Variants in RAB38 observed in about 807,000 individuals in gnomAD.
RAB38 encodes RAB38, member RAS oncogene family.
Under a neutral mutation model 18.4 loss-of-function variants are expected in RAB38, and 15 were observed. The observed-to-expected ratio is 0.82, with a 90% CI of 0.55 to 1.26. The LOEUF (loss-of-function observed/expected upper bound fraction) is 1.26, where lower values mean the gene tolerates loss of function less well. Ranked by LOEUF, RAB38 falls within the 50% of genes most tolerant of loss-of-function variation. RAB38 has a pLI of 0.00. For missense variants in RAB38, 294 were observed against 267.4 expected (o/e 1.10, Z -0.69); for synonymous variants, 101 against 104.4 (o/e 0.97, Z 0.20).
At chr11:87,940,259 T>C in the RAB38 span, among the ~76,000 whole-genome samples, 1 of 151,790 alleles carries the variant, frequency 6.6e-6, no homozygotes, top group Non-Finnish European at 1.5e-5. Flanking sequence ...TTAGCCAGCA[T>C]AAATTGTGAC....
chr11:87,923,733 T>C, the RAB38 span, among the ~76,000 whole-genome samples: 1 of 152,036 alleles, frequency 6.6e-6, no homozygotes, highest in African/African-American at 2.4e-5. Context: ...TTACTAATCA[T>C]CACTACCATT....
the RAB38 span, among the ~76,000 whole-genome samples, chr11:87,950,041 C>T: frequency 6.6e-6 from 1 of 152,284 alleles, no homozygotes; most frequent in African/African-American, 2.4e-5. Flanking sequence ...CTTTGTAGGT[C>T]ACTCAGTACT....
chr11:88,122,412 G>T (rs1455376280), intron 2 of RAB38, among the ~76,000 whole-genome samples: 2 of 152,182 alleles, frequency 1.3e-5, no homozygotes. Context: ...ATTATGTTTA[G>T]CCAGACTTAA....
chr11:87,827,835 C>T, the RAB38 span, among the ~76,000 whole-genome samples: 5 of 151,996 alleles, frequency 3.3e-5, no homozygotes, highest in African/African-American at 4.8e-5. Flanking sequence ...CTGTACCTTA[C>T]GAAATAGCGA....
chr11:87,824,359 C>A, the RAB38 span, among the ~76,000 whole-genome samples: 11,169 of 152,124 alleles, frequency 0.073, 706 homozygotes, highest in East Asian at 0.36. Context: ...CCCCAAGGTG[C>A]AAATCAATTA....
At chr11:87,837,770 T>A in the RAB38 span, among the ~76,000 whole-genome samples, 1 of 152,234 alleles carries the variant, frequency 6.6e-6, no homozygotes, top group East Asian at 1.9e-4. Flanking sequence ...CCTTTGCAGC[T>A]AATTCTTGAC....
At chr11:88,003,682 A>ATATATTATATATAATATATTG in the RAB38 span, among the ~76,000 whole-genome samples, 2 of 3,604 alleles carry the variant, frequency 5.5e-4, 1 homozygote, top group African/African-American at 2.9e-3. Context: ...TATATATATT[A>ATATATTATATATAATATATTG]TATATATTAT....
the RAB38 span, among the ~76,000 whole-genome samples, chr11:88,073,181 A>G: frequency 6.6e-6 from 1 of 152,166 alleles, no homozygotes; most frequent in Non-Finnish European, 1.5e-5. Context: ...GTGCCTGGAG[A>G]GAGATATATC....
chr11:87,913,107 A>G, the RAB38 span, among the ~76,000 whole-genome samples: 4 of 152,070 alleles, frequency 2.6e-5, no homozygotes, highest in South Asian at 8.3e-4. Context: ...TTTTGGCCAG[A>G]ATACAGTCTA....
chr11:88,067,283 A>T, the RAB38 span, among the ~76,000 whole-genome samples: 1 of 151,958 alleles, frequency 6.6e-6, no homozygotes, highest in South Asian at 2.1e-4. Context: ...TTACACAACA[A>T]GTTTACGTTA....
the RAB38 span, among the ~76,000 whole-genome samples, chr11:87,950,333 C>CTT: frequency 5.9e-4 from 90 of 151,710 alleles, no homozygotes; most frequent in African/African-American, 1.8e-3. Flanking sequence ...GGTCTTTACT[C>CTT]TATCCAATTT....
At chr11:87,954,046 T>TGGA in the RAB38 span, among the ~76,000 whole-genome samples, 1 of 152,020 alleles carries the variant, frequency 6.6e-6, no homozygotes, top group Non-Finnish European at 1.5e-5. Context: ...AAGTGTGCTG[T>TGGA]GGAATGCTGT....
the RAB38 span, among the ~76,000 whole-genome samples, chr11:87,864,975 G>A: frequency 2.6e-5 from 4 of 151,692 alleles, no homozygotes; most frequent in African/African-American, 9.7e-5. Flanking sequence ...TGAGTAAACA[G>A]GACCATTCTC....
At chr11:88,035,537 C>T in the RAB38 span, among the ~76,000 whole-genome samples, 10 of 152,242 alleles carry the variant, frequency 6.6e-5, no homozygotes, top group East Asian at 1.9e-3. Flanking sequence ...GCAAGGAAGC[C>T]AGTCCGAGTC....
chr11:87,975,283 C>G, the RAB38 span, among the ~76,000 whole-genome samples: 1 of 151,968 alleles, frequency 6.6e-6, no homozygotes, highest in East Asian at 1.9e-4. Context: ...GGTTCCAGGT[C>G]ACATGAATTT....
intron 1 of RAB38, among the ~76,000 whole-genome samples, chr11:88,158,683 T>A (rs946537265): frequency 2.0e-5 from 3 of 152,104 alleles, no homozygotes; most frequent in Admixed American, 6.5e-5. Flanking sequence ...ATCACCTCAA[T>A]AGACTCAGAA....
chr11:88,009,919 C>T, the RAB38 span, among the ~76,000 whole-genome samples: 1 of 152,104 alleles, frequency 6.6e-6, no homozygotes, highest in Admixed American at 6.5e-5. Context: ...TTTACCTATA[C>T]ATAAGTGAGA....
At chr11:87,911,048 C>A in the RAB38 span, among the ~76,000 whole-genome samples, 3 of 152,110 alleles carry the variant, frequency 2.0e-5, no homozygotes, top group South Asian at 4.2e-4. Context: ...TTCTCATCTG[C>A]TTGCACTTGT....
the RAB38 span, among the ~76,000 whole-genome samples, chr11:88,038,668 T>C: frequency 6.6e-6 from 1 of 152,182 alleles, no homozygotes; most frequent in Non-Finnish European, 1.5e-5. Context: ...CATTTTTTCT[T>C]CTTCATACTA....
Sources: gnomAD v4.1 joint callset for allele counts (sites outside exome capture counted in the v4.1 genomes callset) on GRCh38, gnomAD v4.1.1 for gene constraint, MANE v1.5 for transcripts, NCBI Gene and HGNC (gene_info 2026-07-23, HGNC 2026-07-21) for gene names.